RIMS2: variants seen among roughly 807,000 people sequenced by gnomAD.
RIMS2 encodes the protein regulating synaptic membrane exocytosis protein 2.
In RIMS2, 59 loss-of-function variants were observed where a neutral mutation model predicts 174.4. That is an observed-to-expected ratio of 0.34 (90% CI 0.27 to 0.42). The LOEUF is 0.42. Ranked by LOEUF, RIMS2 falls within the 10% of genes least tolerant of loss-of-function variation. RIMS2 has a pLI of 1.00. For missense variants in RIMS2, 1,620 were observed against 1,666.3 expected (o/e 0.97, Z 0.48); for synonymous variants, 606 against 572.5 (o/e 1.06, Z -0.84).
At chr8:103,841,559 G>A (rs566950768) in intron 3 of RIMS2, among the ~76,000 whole-genome samples, 10 of 152,030 alleles carry the variant, frequency 6.6e-5, no homozygotes, top group Admixed American at 6.5e-4. Context: ...ATGTAGGGGA[G>A]CCTTGTTAAC....
intron 3 of RIMS2, among the ~76,000 whole-genome samples, chr8:103,773,111 C>T (rs2098271755): frequency 6.6e-6 from 1 of 151,132 alleles, no homozygotes; most frequent in South Asian, 2.1e-4. Context: ...ATTTCTTAGA[C>T]AAGACACAGA....
intron 1 of RIMS2, among the ~76,000 whole-genome samples, chr8:103,661,287 G>A (rs917656122): frequency 6.6e-5 from 10 of 152,032 alleles, no homozygotes; most frequent in Non-Finnish European, 8.8e-5. Flanking sequence ...ATTGATGTGC[G>A]TTTGAGTTTG....
chr8:103,509,843 T>G (rs1280241134), intron 1 of RIMS2, among the ~76,000 whole-genome samples: 3 of 152,178 alleles, frequency 2.0e-5, no homozygotes, highest in Non-Finnish European at 4.4e-5. Context: ...ATACAGTTTA[T>G]ATATTATGAA....
chr8:104,030,100 T>G (rs2096356748), intron 19 of RIMS2, among the ~76,000 whole-genome samples: 1 of 152,176 alleles, frequency 6.6e-6, no homozygotes, highest in South Asian at 2.1e-4. Context: ...TAGCTTGATA[T>G]TATAAAATAT....
intron 1 of RIMS2, among the ~76,000 whole-genome samples, chr8:103,611,866 A>G (rs759811155): frequency 6.6e-6 from 1 of 151,850 alleles, no homozygotes; most frequent in African/African-American, 2.4e-5. Flanking sequence ...TAAACTTTCT[A>G]TCTATATCTC....
chr8:103,567,873 C>A (rs563031472), intron 1 of RIMS2, among the ~76,000 whole-genome samples: 2 of 152,294 alleles, frequency 1.3e-5, no homozygotes, highest in African/African-American at 4.8e-5. Flanking sequence ...GAAGTAGTAT[C>A]CCACTGTGGG....
At chr8:103,526,800 T>TG (rs1240739504) in intron 1 of RIMS2, among the ~76,000 whole-genome samples, 4 of 152,126 alleles carry the variant, frequency 2.6e-5, no homozygotes, top group Non-Finnish European at 5.9e-5. Context: ...TATGTATAGT[T>TG]GGAGTTTCAG....
chr8:104,071,681 C>T (rs2097198596), intron 19 of RIMS2, among the ~76,000 whole-genome samples: 1 of 152,116 alleles, frequency 6.6e-6, no homozygotes, highest in South Asian at 2.1e-4. Context: ...CGTGATCTGC[C>T]CGCCTTGGCC....
chr8:104,076,234 TAA>T (rs1412375245), intron 19 of RIMS2, among the ~76,000 whole-genome samples: 3 of 152,172 alleles, frequency 2.0e-5, no homozygotes, highest in Non-Finnish European at 2.9e-5. Flanking sequence ...ATAGCCTAAT[TAA>T]AAGAGTCATA....
At chr8:103,937,537 T>C (rs2081546057) in intron 13 of RIMS2, among the ~76,000 whole-genome samples, 1 of 152,148 alleles carries the variant, frequency 6.6e-6, no homozygotes, top group Admixed American at 6.5e-5. Context: ...TACAGACACA[T>C]GAATAGCAAT....
Position 103,895,496 on chromosome 8 carries a change from A to G in RIMS2, c.1624+9273A>G, listed in dbSNP as rs184327692. ...TTCTTCTTATAAAGGTACTAATTCCATCATGAAGACTCCACTCTCATGACT... is the reference window on the plus strand; with the variant it reads ...TTCTTCTTATAAAGGTACTAATTCCGTCATGAAGACTCCACTCTCATGACT... On this transcript the variant is annotated intron_variant, in intron 4 of 23. Coordinates refer to ENST00000504942, the Ensembl canonical transcript of RIMS2. Among the ~76,000 whole-genome samples the G allele has an allele frequency of 2.0e-3, 303 of 151,530 alleles. 10 individuals carry two copies. Among genetic ancestry groups the G allele is most frequent in the African/African-American group, 7.1e-3 (290 of 40,994 alleles).
At chr8:103,682,459 C>T (rs1010138560) in intron 1 of RIMS2, among the ~76,000 whole-genome samples, 3 of 152,016 alleles carry the variant, frequency 2.0e-5, no homozygotes, top group Admixed American at 1.3e-4. Context: ...ATGACTGAAA[C>T]GTTTGTCCAT....
At chr8:103,503,257 G>A (rs1021902618) in intron 1 of RIMS2, among the ~76,000 whole-genome samples, 1 of 151,780 alleles carries the variant, frequency 6.6e-6, no homozygotes, top group African/African-American at 2.4e-5. Flanking sequence ...GGAGGTTAAA[G>A]CATAATATAT....
chr8:103,801,487 G>C (rs973135918), intron 3 of RIMS2, among the ~76,000 whole-genome samples: 18 of 152,088 alleles, frequency 1.2e-4, no homozygotes, highest in Non-Finnish European at 2.5e-4. Context: ...AGGCAGAATA[G>C]ACATTTTCAT....
Position 103,501,054 on chromosome 8 carries a change from C to G in RIMS2, c.168C>G (p.Ser56=), listed in dbSNP as rs1357813274. 3.1e-6 allele frequency: 5 copies of G among 1,602,894 alleles called. No individual in the cohort carries two copies. The South Asian group carries it at 3.3e-5, about 11-fold the overall frequency. ...AGAAAGAAGAGGAGAAGGAGCAGTCCGTGCTCAAGTAAGGACCTGGCTCCA... is the reference window on the plus strand; with the variant it reads ...AGAAAGAAGAGGAGAAGGAGCAGTCGGTGCTCAAGTAAGGACCTGGCTCCA... Residue 56 remains serine (S), a synonymous_variant, in exon 1 of 24, where the codon TCC becomes TCG. Coordinates refer to ENST00000504942, the Ensembl canonical transcript of RIMS2.
chr8:103,600,550 C>T (rs1041296560), intron 1 of RIMS2, among the ~76,000 whole-genome samples: 5 of 152,114 alleles, frequency 3.3e-5, no homozygotes, highest in Non-Finnish European at 5.9e-5. Flanking sequence ...GGATTACAGG[C>T]GTGAGCCACC....
At chr8:104,160,342 C>A (rs941027705) in intron 19 of RIMS2, among the ~76,000 whole-genome samples, 1 of 152,012 alleles carries the variant, frequency 6.6e-6, no homozygotes, top group Non-Finnish European at 1.5e-5. Context: ...AATGAGTGAA[C>A]AAATGAATGA....
chr8:103,967,551 G>C (rs2092232237), intron 15 of RIMS2, among the ~76,000 whole-genome samples: 1 of 146,936 alleles, frequency 6.8e-6, no homozygotes, highest in Non-Finnish European at 1.5e-5. Context: ...GGAATGCAGT[G>C]GTGCAATCTT....
intron 19 of RIMS2, among the ~76,000 whole-genome samples, chr8:104,023,943 A>T (rs1194946699): frequency 6.6e-6 from 1 of 152,216 alleles, no homozygotes; most frequent in African/African-American, 2.4e-5. Flanking sequence ...TTTATCAAGA[A>T]TATGAAATGA....
Sources: allele counts gnomAD v4.1 joint callset (sites outside exome capture counted in the v4.1 genomes callset), GRCh38; gene constraint gnomAD v4.1.1; transcripts MANE v1.5; gene names NCBI Gene and HGNC (gene_info 2026-07-23, HGNC 2026-07-21).